Variants in GABPA observed in about 807,000 individuals in gnomAD.
The protein encoded by GABPA is GA binding protein transcription factor subunit alpha.
A neutral mutation model predicts 59.4 loss-of-function variants in GABPA; 4 were observed. The ratio of observed to expected loss-of-function variants is 0.07; its 90% CI spans 0.03 to 0.15. GABPA has a LOEUF of 0.15. Ranked by LOEUF, GABPA falls within the 10% of genes least tolerant of loss-of-function variation. GABPA has a pLI of 1.00. For synonymous variants in GABPA, 164 were observed against 183.1 expected, an observed-to-expected ratio of 0.90 and a Z score of 0.84; for missense variants, 251 against 543.8, an observed-to-expected ratio of 0.46 and a Z score of 5.36.
chr21:25,743,097 G>A (rs1048414465), intron 2 of GABPA, among the ~76,000 whole-genome samples: 51 of 152,264 alleles, frequency 3.3e-4, no homozygotes, highest in Admixed American at 3.3e-3. Context: ...TAGGGTGTCT[G>A]CGTCCAAAGT....
At chr21:25,737,405 G>A (rs2035104774) in intron 1 of GABPA, among the ~76,000 whole-genome samples, 1 of 152,176 alleles carries the variant, frequency 6.6e-6, no homozygotes, top group Admixed American at 6.5e-5. Context: ...TAGAGAACCA[G>A]GAGAGAAAGA....
Position 25,758,010 on chromosome 21 carries a change from A to T in GABPA, c.554A>T (p.Asp185Val). Residue 185 changes from aspartate to valine, a missense_variant and splice_region_variant, in exon 6 of 10, where the codon GAT (aspartate) becomes GTT (valine). Physicochemically the swap from Asp to Val is radical, Grantham distance 152. Transcript: ENST00000400075. ...KEQERLGIPYDPIQWSTDQVL... is the reference protein window; with the variant it reads ...KEQERLGIPYVPIQWSTDQVL... The stretch of plus-strand genomic sequence containing the variant: ...CTAAAGTGAATATTTTTCTTTCTAG[A>T]TCCCATACAGTGGTCCACAGACCAA... 1 of 1,556,640 alleles carries T rather than the reference A, an allele frequency of 6.4e-7. No homozygotes were observed. The highest frequency in any genetic ancestry group is 8.6e-7 in the Non-Finnish European group (1 of 1,156,576).
rs142946336 is a variant in GABPA at position 25,737,610 on chromosome 21, T to TA, written c.-27+2033dup. 1.3e-4 allele frequency among the ~76,000 whole-genome samples: 20 copies of TA among 152,342 alleles called. No homozygotes were observed. The East Asian group carries it at 3.5e-3, about 26-fold the overall frequency. On this transcript the variant is annotated intron_variant, in intron 1 of 9. Transcript: ENST00000400075. ...TGTAGCAACTTCCTATTTTAGTGTT[T>TA]ATGTTAGGGGAGCCCCAGGTGTCCC...
Position 25,767,541 on chromosome 21 carries a change from T to C in GABPA, c.1137-1463T>C, listed in dbSNP as rs71651651. ...TCAAATTTATGTGTGTATATTCTTT[T>C]TTATCACCTCTTACCAAGAAATATG... On this transcript the variant is annotated intron_variant, in intron 9 of 9. Transcript: ENST00000400075. 3.6e-3 allele frequency among the ~76,000 whole-genome samples: 548 copies of C among 152,106 alleles called. 1 individual carries two copies. Among genetic ancestry groups the C allele is most frequent in the African/African-American group, 0.013 (521 of 41,538 alleles).
intron 4 of GABPA, among the ~76,000 whole-genome samples, chr21:25,750,115 A>T (rs1366180903): frequency 6.6e-6 from 1 of 152,244 alleles, no homozygotes; most frequent in Non-Finnish European, 1.5e-5. Context: ...GTGACAGAGT[A>T]TCAGGCATTA....
At chr21:25,759,031 C>T (rs1315610552) in intron 6 of GABPA, among the ~76,000 whole-genome samples, 1 of 152,006 alleles carries the variant, frequency 6.6e-6, no homozygotes, top group Non-Finnish European at 1.5e-5. Flanking sequence ...GACTGCGCCA[C>T]TACACTCCAG....
chr21:25,741,687 T>A lies in GABPA; in HGVS notation c.77+12T>A, dbSNP rs897347351. ...TGCACAGAAGAAAGGTTGGTGTTTC[T>A]GAATTTATCATTTTTTTTCAAAATA... On this transcript the variant is annotated intron_variant, in intron 2 of 9. Coordinates refer to ENST00000400075, the MANE Select transcript of GABPA (RefSeq NM_002040.4). 1 of 1,580,690 alleles carries A rather than the reference T, an allele frequency of 6.3e-7. No homozygotes were observed. The highest frequency in any genetic ancestry group is 1.4e-5 in the African/African-American group (1 of 73,498).
intron 1 of GABPA, among the ~76,000 whole-genome samples, chr21:25,737,611 A>G (rs1005899014): frequency 6.6e-6 from 1 of 152,086 alleles, no homozygotes; most frequent in African/African-American, 2.4e-5. Context: ...TTTAGTGTTT[A>G]TGTTAGGGGA....
chr21:25,744,493 TA>T (rs988230377), intron 2 of GABPA, among the ~76,000 whole-genome samples: 56 of 152,326 alleles, frequency 3.7e-4, no homozygotes, highest in African/African-American at 1.3e-3. Flanking sequence ...ATATTTAAAT[TA>T]AACATGTTGG....
At chr21:25,745,079 G>C in intron 2 of GABPA, 131 bp from the exon 3 acceptor site, 1 of 880,126 alleles carries the variant, frequency 1.1e-6, no homozygotes, top group East Asian at 2.6e-5. Flanking sequence ...GCCTGCCACA[G>C]TATCTATGTA....
chr21:25,737,205 T>A (rs2035095494), intron 1 of GABPA, among the ~76,000 whole-genome samples: 1 of 152,244 alleles, frequency 6.6e-6, no homozygotes, highest in African/African-American at 2.4e-5. Context: ...TATGAAATTG[T>A]TCTGTGCAGT....
intron 1 of GABPA, among the ~76,000 whole-genome samples, chr21:25,737,293 T>C (rs2035099807): frequency 6.6e-6 from 1 of 152,178 alleles, no homozygotes; most frequent in Non-Finnish European, 1.5e-5. Flanking sequence ...CATAGAAGCC[T>C]GAGGAATTGG....
chr21:25,742,450 A>G (rs1430593370), intron 2 of GABPA, among the ~76,000 whole-genome samples: 1 of 152,216 alleles, frequency 6.6e-6, no homozygotes, highest in Non-Finnish European at 1.5e-5. Context: ...TAAGGAGGAT[A>G]CTGAGTATTG....
chr21:25,762,309 C>T lies in GABPA; in HGVS notation c.749-3C>T. ...AAAAACAAAAAATTTTTGTTTTTTT[C>T]AGATGTATTGGCAAGTCAAGAACAA... On this transcript the variant is annotated splice_polypyrimidine_tract_variant and splice_region_variant and intron_variant, in intron 6 of 9. Coordinates refer to ENST00000400075, the MANE Select transcript of GABPA (RefSeq NM_002040.4). 1.3e-6 allele frequency: 2 copies of T among 1,540,266 alleles called. No homozygotes were observed. The highest frequency in any genetic ancestry group is 8.8e-7 in the Non-Finnish European group (1 of 1,138,280).
chr21:25,736,024 C>G (rs1386600325), intron 1 of GABPA, among the ~76,000 whole-genome samples: 1 of 152,142 alleles, frequency 6.6e-6, no homozygotes, highest in Admixed American at 6.5e-5. Context: ...CAAATCCGCT[C>G]TCTTTATAGA....
chr21:25,771,971 G>A lies in GABPA; in HGVS notation c.*2739G>A, dbSNP rs1021221239. 2 of 152,000 alleles carry A rather than the reference G, an allele frequency of 1.3e-5. No homozygotes were observed. The highest frequency in any genetic ancestry group is 2.9e-5 in the Non-Finnish European group (2 of 67,904). The allele number at this position is 152,000 out of a possible 1,614,324, so 9.4% of individuals were successfully genotyped here. On this transcript the variant is annotated 3_prime_UTR_variant, in exon 10 of 10. Coordinates refer to ENST00000400075, the MANE Select transcript of GABPA (RefSeq NM_002040.4). ...TGTTATTAGGAAAAATTGTTTAGTT[G>A]TTTTCTCCCCTGATTAATGGTGATA... is the stretch of plus-strand genomic sequence containing the variant.
At chr21:25,740,261 C>T (rs1340137213) in intron 1 of GABPA, among the ~76,000 whole-genome samples, 2 of 152,278 alleles carry the variant, frequency 1.3e-5, no homozygotes, top group South Asian at 2.1e-4. Context: ...TGATGCTCGG[C>T]GAGTAATGGT....
At chr21:25,763,252 C>T in intron 7 of GABPA, 1 of 411,226 alleles carries the variant, frequency 2.4e-6, no homozygotes, top group South Asian at 2.5e-5. Context: ...ACTTTTAAGC[C>T]TGCTGAGCTC....
Position 25,735,308 on chromosome 21 carries a change from C to G in GABPA, c.-297C>G. On this transcript the variant is annotated 5_prime_UTR_variant, in exon 1 of 10. Coordinates refer to ENST00000400075, the MANE Select transcript of GABPA (RefSeq NM_002040.4). ...AAAGCGGATTGGGGCGTTGTGCTTC[C>G]TTGTACCTCGTGAGCCTCCGTTGCC... The G allele has an allele frequency of 3.2e-6, 1 of 314,332 alleles. No homozygotes were observed. Among genetic ancestry groups the G allele is most frequent in the South Asian group, 5.0e-5 (1 of 19,818 alleles). The allele number at this position is 314,332 out of a possible 1,614,324, so 19.5% of individuals were successfully genotyped here.
Sources: allele counts gnomAD v4.1 joint callset (sites outside exome capture counted in the v4.1 genomes callset), GRCh38; gene constraint gnomAD v4.1.1; transcripts MANE v1.5; gene names NCBI Gene and HGNC (gene_info 2026-07-23, HGNC 2026-07-21).